The following DNM3 variants were observed in gnomAD, a reference collection of about 807,000 sequenced individuals.
DNM3 encodes dynamin-3.
DNM3 carries 47 observed loss-of-function variants against 101.6 expected under a neutral mutation model. The observed-to-expected ratio is 0.46, with a 90% CI of 0.37 to 0.59. The LOEUF is 0.59. DNM3 is among the 20% of genes least tolerant of loss of function. DNM3 has a pLI of 0.00. For missense variants in DNM3, 849 were observed against 1,085.7 expected (o/e 0.78, Z 3.06); for synonymous variants, 385 against 387.9 (o/e 0.99, Z 0.09).
At chr1:172,024,435 A>G (rs2048054595) in intron 4 of DNM3, among the ~76,000 whole-genome samples, 2 of 152,360 alleles carry the variant, frequency 1.3e-5, no homozygotes, top group East Asian at 1.9e-4. Flanking sequence ...AGGAGGTTAT[A>G]TAATGACCAA....
At chr1:171,923,785 T>C (rs1050789754) in intron 2 of DNM3, among the ~76,000 whole-genome samples, 1 of 152,182 alleles carries the variant, frequency 6.6e-6, no homozygotes, top group Non-Finnish European at 1.5e-5. Context: ...ATCACCCAAA[T>C]AGTAAACGCA....
chr1:172,052,974 G>A (rs534978533), intron 10 of DNM3, among the ~76,000 whole-genome samples: 130 of 152,198 alleles, frequency 8.5e-4, no homozygotes, highest in African/African-American at 2.5e-3. Context: ...AATTATTCCA[G>A]TGGCCCCCTA....
At chr1:171,951,515 ATTG>A (rs1159793124) in intron 2 of DNM3, among the ~76,000 whole-genome samples, 1 of 152,122 alleles carries the variant, frequency 6.6e-6, no homozygotes, top group East Asian at 1.9e-4. Context: ...GGTTTATCTA[ATTG>A]TTTTCTCTAG....
intron 4 of DNM3, among the ~76,000 whole-genome samples, chr1:171,998,644 T>C (rs1181538952): frequency 6.6e-6 from 1 of 152,070 alleles, no homozygotes; most frequent in Non-Finnish European, 1.5e-5. Context: ...AACAGCCAGA[T>C]AACAGAAAAC....
chr1:172,234,376 C>G (rs10911351), intron 14 of DNM3, among the ~76,000 whole-genome samples: 2 of 151,758 alleles, frequency 1.3e-5, no homozygotes, highest in Admixed American at 6.6e-5. Flanking sequence ...CACTGCTCAA[C>G]GAAATAAAAG....
At chr1:171,989,225 T>C in intron 4 of DNM3, 77 bp downstream of exon 4, 1 of 1,320,870 alleles carries the variant, frequency 7.6e-7, no homozygotes, top group Non-Finnish European at 1.0e-6. Context: ...ACATAAATTC[T>C]TAAGATTTGG....
chr1:172,020,666 G>A (rs142976381), intron 4 of DNM3, among the ~76,000 whole-genome samples: 2,632 of 144,348 alleles, frequency 0.018, 71 homozygotes, highest in African/African-American at 0.065. Flanking sequence ...GGAGCTTGCA[G>A]TGGGCCGAGA....
chr1:171,973,958 C>T (rs865980430), intron 2 of DNM3, among the ~76,000 whole-genome samples: 13 of 152,186 alleles, frequency 8.5e-5, no homozygotes, highest in Admixed American at 6.5e-4. Flanking sequence ...AGCCACCACT[C>T]GTCGCCCAAA....
At chr1:172,051,950 C>G (rs909012685) in intron 10 of DNM3, among the ~76,000 whole-genome samples, 9 of 152,284 alleles carry the variant, frequency 5.9e-5, no homozygotes, top group African/African-American at 2.2e-4. Flanking sequence ...TTTGTGTGAA[C>G]TGGTGCCCCA....
intron 10 of DNM3, among the ~76,000 whole-genome samples, chr1:172,061,947 A>G (rs1247234379): frequency 6.6e-6 from 1 of 152,202 alleles, no homozygotes; most frequent in African/African-American, 2.4e-5. Flanking sequence ...TGCATGTAAT[A>G]CATGTCTAAT....
chr1:172,391,108 T>C (rs977769749), intron 20 of DNM3, among the ~76,000 whole-genome samples: 5 of 152,204 alleles, frequency 3.3e-5, no homozygotes, highest in African/African-American at 1.2e-4. Context: ...CAGCAGGGCT[T>C]AATGAGACTA....
intron 11 of DNM3, among the ~76,000 whole-genome samples, chr1:172,081,348 G>A (rs550487234): frequency 1.3e-5 from 2 of 152,236 alleles, no homozygotes; most frequent in African/African-American, 2.4e-5. Flanking sequence ...TGTGTAAAGT[G>A]TCTTGAGATG....
chr1:172,145,023 C>A (rs1266281204), intron 14 of DNM3, among the ~76,000 whole-genome samples: 1 of 151,816 alleles, frequency 6.6e-6, no homozygotes, highest in Non-Finnish European at 1.5e-5. Flanking sequence ...GATTTTTTTC[C>A]TCAACTGGGC....
At chr1:172,289,291 A>AT (rs1451909510) in intron 15 of DNM3, among the ~76,000 whole-genome samples, 1 of 151,920 alleles carries the variant, frequency 6.6e-6, no homozygotes, top group Non-Finnish European at 1.5e-5. Context: ...AAATTTTTAA[A>AT]TTTTTTTCCA....
At chr1:172,317,040 C>T (rs1256686762) in intron 16 of DNM3, among the ~76,000 whole-genome samples, 1 of 152,148 alleles carries the variant, frequency 6.6e-6, no homozygotes, top group African/African-American at 2.4e-5. Context: ...CAAACTGTCT[C>T]TCAGACCACA....
At chr1:172,380,749 C>T (rs2068850552) in intron 18 of DNM3, 1 of 151,932 alleles carries the variant, frequency 6.6e-6, no homozygotes, top group African/African-American at 2.4e-5. Flanking sequence ...TTACCTTCTT[C>T]ATTTACTTAA....
At chr1:172,206,985 A>G (rs683128) in intron 14 of DNM3, among the ~76,000 whole-genome samples, 75,878 of 151,826 alleles carry the variant, frequency 0.5, 20,992 homozygotes, top group African/African-American at 0.75. Flanking sequence ...CTCCTGTTAC[A>G]GACTGAGCTT....
intron 14 of DNM3, among the ~76,000 whole-genome samples, chr1:172,241,166 C>G (rs1295991809): frequency 6.6e-6 from 1 of 151,918 alleles, no homozygotes; most frequent in Admixed American, 6.6e-5. Context: ...CCATCTCTCT[C>G]ACTCACACCT....
intron 15 of DNM3, among the ~76,000 whole-genome samples, chr1:172,255,465 G>A (rs2062359452): frequency 6.6e-6 from 1 of 152,040 alleles, no homozygotes; most frequent in African/African-American, 2.4e-5. Flanking sequence ...TGGTCAACCT[G>A]AAAAGTTCAG....
Sources: gnomAD v4.1 joint callset for allele counts (sites outside exome capture counted in the v4.1 genomes callset) on GRCh38, gnomAD v4.1.1 for gene constraint, MANE v1.5 for transcripts, NCBI Gene and HGNC (gene_info 2026-07-23, HGNC 2026-07-21) for gene names.